The following NEIL3 variants were observed in gnomAD, a reference collection of about 807,000 sequenced individuals.
NEIL3 encodes nei like DNA glycosylase 3.
A neutral mutation model predicts 57.5 loss-of-function variants in NEIL3; 48 were observed. The ratio of observed to expected loss-of-function variants is 0.83; its 90% confidence interval spans 0.66 to 1.06. The LOEUF (loss-of-function observed/expected upper bound fraction) is 1.06, where lower values mean the gene tolerates loss of function less well. NEIL3 is among the 50% of genes least tolerant of loss of function. The probability of loss-of-function intolerance (pLI) is 0.00; values close to 1 mark genes in which losing one functional copy is unlikely to be tolerated. For synonymous variants in NEIL3, 261 were observed against 253.2 expected, an observed-to-expected ratio of 1.03 and a Z score of -0.29; for missense variants, 717 against 739.1, an observed-to-expected ratio of 0.97 and a Z score of 0.35.
At chr4:177,351,842 A>C (rs776636067) in intron 7 of NEIL3, among the ~76,000 whole-genome samples, 2 of 152,210 alleles carry the variant, frequency 1.3e-5, no homozygotes, top group Non-Finnish European at 2.9e-5. Context: ...TTATTCAATA[A>C]AGCTTTGTTT....
chr4:177,341,715 A>G, intron 6 of NEIL3, 73 bp downstream of exon 6: 2 of 1,244,258 alleles, frequency 1.6e-6, no homozygotes, highest in Admixed American at 4.7e-5. Context: ...CTGAGAATAT[A>G]ACTGAATAAC....
At chr4:177,313,124 C>A (rs1431983947) in intron 1 of NEIL3, among the ~76,000 whole-genome samples, 1 of 152,160 alleles carries the variant, frequency 6.6e-6, no homozygotes, top group Admixed American at 6.5e-5. Context: ...ATACTGCATT[C>A]TTTACAGTGC....
At chr4:177,323,325 G>A (rs182321214) in intron 2 of NEIL3, among the ~76,000 whole-genome samples, 2 of 152,264 alleles carry the variant, frequency 1.3e-5, no homozygotes, top group African/African-American at 2.4e-5. Flanking sequence ...ATCGTTTTTA[G>A]TGCTGTTTAA....
chr4:177,351,070 A>C (rs1049664236), intron 6 of NEIL3, among the ~76,000 whole-genome samples: 4 of 151,460 alleles, frequency 2.6e-5, no homozygotes, highest in African/African-American at 9.7e-5. Context: ...CAAGCAGACC[A>C]ATGTGCACCT....
intron 4 of NEIL3, among the ~76,000 whole-genome samples, chr4:177,337,720 C>T (rs753017315): frequency 1.4e-4 from 21 of 152,206 alleles, no homozygotes; most frequent in Admixed American, 8.5e-4. Flanking sequence ...TGACATTGGC[C>T]AGGCACGGTG....
chr4:177,357,486 CTG>C (rs1460747178), intron 8 of NEIL3, among the ~76,000 whole-genome samples: 2 of 152,160 alleles, frequency 1.3e-5, no homozygotes, highest in Non-Finnish European at 2.9e-5. Context: ...CTAAGTTAAA[CTG>C]TGATAAATTG....
chr4:177,341,525 G>T lies in NEIL3; in HGVS notation c.752G>T (p.Arg251Leu). The part of the protein sequence containing the change: ...ALSKHYKVYK[R>L]PNCGQCHCRI... ...TCTAAACACTATAAGGTTTACAAGC[G>T]TCCTAATTGTGGTCAGTGCCACTGC... The change falls in exon 6 of 10, where the codon CGT becomes CTT. Residue 251 changes from arginine (R) to leucine (L), a missense_variant. By Grantham distance (102) the Arg-to-Leu change is moderately radical (BLOSUM62 -2). Transcript: ENST00000264596. 2 of 1,613,010 alleles carry T rather than the reference G, an allele frequency of 1.2e-6. No homozygotes were observed. Among genetic ancestry groups the T allele is most frequent in the Non-Finnish European group, 1.7e-6 (2 of 1,179,746 alleles).
Position 177,310,007 on chromosome 4 carries a change from G to T in NEIL3, c.54G>T (p.Val18=), listed in dbSNP as rs745719025. 1 of 1,610,872 alleles carries T rather than the reference G, an allele frequency of 6.2e-7. No homozygotes were observed. Among genetic ancestry groups the T allele is most frequent in the Non-Finnish European group, 8.5e-7 (1 of 1,179,072 alleles). ...TLNGEKIRAR[V]LPGQAVTGVR... is the part of the protein sequence containing the mutation. Reference sequence around the variant, plus strand: ...ATGGAGAGAAGATTCGCGCGCGGGTGCTCCCGGGCCAGGCGGTGACCGGCG... The same window carrying T: ...ATGGAGAGAAGATTCGCGCGCGGGTTCTCCCGGGCCAGGCGGTGACCGGCG... The change falls in exon 1 of 10, where the codon GTG becomes GTT. Residue 18 remains valine, a synonymous_variant. Transcript: ENST00000264596.
At chr4:177,328,299 A>C (rs1321088650) in intron 2 of NEIL3, among the ~76,000 whole-genome samples, 1 of 152,226 alleles carries the variant, frequency 6.6e-6, no homozygotes, top group African/African-American at 2.4e-5. Context: ...AGAACAGAAG[A>C]CATCTTTGGA....
intron 1 of NEIL3, among the ~76,000 whole-genome samples, chr4:177,321,543 C>G (rs6835347): frequency 0.039 from 5,921 of 152,058 alleles, 325 homozygotes; most frequent in African/African-American, 0.12. Flanking sequence ...ACCAAACGCC[C>G]TTTCTTTTCT....
chr4:177,327,078 C>G (rs1734795781), intron 2 of NEIL3, among the ~76,000 whole-genome samples: 1 of 152,078 alleles, frequency 6.6e-6, no homozygotes, highest in East Asian at 1.9e-4. Context: ...CACTAGATCT[C>G]TTGGTTTTAT....
At chr4:177,338,022 TCTCACA>T (rs1560914305) in intron 4 of NEIL3, among the ~76,000 whole-genome samples, 3 of 129,180 alleles carry the variant, frequency 2.3e-5, no homozygotes, top group Non-Finnish European at 1.7e-5. Context: ...TGTCTCTCTC[TCTCACA>T]CACACACACA....
At chr4:177,338,024 T>TCACACACA (rs35763650) in intron 4 of NEIL3, among the ~76,000 whole-genome samples, 218 of 149,476 alleles carry the variant, frequency 1.5e-3, no homozygotes, top group African/African-American at 3.5e-3. Context: ...TCTCTCTCTC[T>TCACACACA]CACACACACA....
downstream of NEIL3, among the ~76,000 whole-genome samples, chr4:177,364,705 A>G (rs1005198854): frequency 6.6e-6 from 1 of 152,060 alleles, no homozygotes; most frequent in African/African-American, 2.4e-5. Flanking sequence ...CGAGGCAGGC[A>G]GATCACGAAG....
At position 177,362,852 on chromosome 4, in the gene NEIL3, A is replaced by G. The variant is rs1735637485; in HGVS notation, c.*381A>G. ...AAGATATTCTGTCTGTAGTGAATACATTTCTCATGTACTAACACTATTTAT... is the reference window on the plus strand; with the variant it reads ...AAGATATTCTGTCTGTAGTGAATACGTTTCTCATGTACTAACACTATTTAT... On this transcript the variant is annotated 3_prime_UTR_variant, in exon 10 of 10. Coordinates refer to ENST00000264596, the MANE Select transcript of NEIL3 (RefSeq NM_018248.3). The G allele has an allele frequency of 6.5e-6, 1 of 153,712 alleles. No individual in the cohort carries two copies. The highest frequency in any genetic ancestry group is 1.4e-5 in the Non-Finnish European group (1 of 69,120). 9.5% of individuals were successfully genotyped at this position (153,712 alleles called of 1,614,324 possible).
At chr4:177,326,251 T>G (rs951093575) in intron 2 of NEIL3, among the ~76,000 whole-genome samples, 10 of 152,200 alleles carry the variant, frequency 6.6e-5, no homozygotes, top group Non-Finnish European at 1.3e-4. Context: ...AGCTGGACTT[T>G]GTCTTTTTGC....
At chr4:177,335,633 AG>A (rs577403535) in intron 2 of NEIL3, 54 bp from the exon 3 acceptor site, 2 of 1,552,452 alleles carry the variant, frequency 1.3e-6, no homozygotes, top group East Asian at 4.5e-5. Flanking sequence ...ACAGGAAAAA[AG>A]CTTGATAAAT....
At chr4:177,368,418 G>A in the NEIL3 span, among the ~76,000 whole-genome samples, 13 of 152,230 alleles carry the variant, frequency 8.5e-5, no homozygotes, top group South Asian at 2.5e-3. Context: ...GTTCTCATGG[G>A]GTTCCTAAAA....
At chr4:177,340,584 G>A (rs1253155000) in intron 5 of NEIL3, among the ~76,000 whole-genome samples, 3 of 152,116 alleles carry the variant, frequency 2.0e-5, no homozygotes, top group South Asian at 2.1e-4. Context: ...TCTGCAGATC[G>A]GTCTTGAGTA....
Sources: gnomAD v4.1 joint callset for allele counts (sites outside exome capture counted in the v4.1 genomes callset) on GRCh38, gnomAD v4.1.1 for gene constraint, MANE v1.5 for transcripts, NCBI Gene and HGNC (gene_info 2026-07-23, HGNC 2026-07-21) for gene names.